ADCY2: variants seen among roughly 807,000 people sequenced by gnomAD.
ADCY2 encodes adenylate cyclase type 2.
A neutral mutation model predicts 125.2 loss-of-function variants in ADCY2; 31 were observed. The observed-to-expected ratio is 0.25, with a 90% confidence interval of 0.19 to 0.33. ADCY2 has a LOEUF of 0.33. ADCY2 is among the 10% of genes least tolerant of loss of function. The pLI, the probability that ADCY2 is intolerant of heterozygous loss-of-function variation, is 1.00. For missense variants in ADCY2, 904 were observed against 1,418.2 expected (o/e 0.64, Z 5.82); for synonymous variants, 512 against 548.4 (o/e 0.93, Z 0.93).
chr5:7,789,829 G>A (rs1460726993), intron 20 of ADCY2, 29 bp downstream of exon 20: 2 of 1,357,934 alleles, frequency 1.5e-6, no homozygotes, highest in Non-Finnish European at 2.0e-6. Context: ...GGGGCTGGGG[G>A]AGGGGGCTGG....
intron 18 of ADCY2, among the ~76,000 whole-genome samples, chr5:7,776,898 T>G (rs1743745895): frequency 1.3e-5 from 2 of 152,302 alleles, no homozygotes; most frequent in South Asian, 4.1e-4. Flanking sequence ...CCAGGGTTCT[T>G]AGTACAGAAG....
At chr5:7,485,391 C>T (rs567915446) in intron 2 of ADCY2, among the ~76,000 whole-genome samples, 2 of 151,862 alleles carry the variant, frequency 1.3e-5, no homozygotes, top group South Asian at 2.1e-4. Context: ...ATGTAAAATT[C>T]GTGGAACAAA....
intron 2 of ADCY2, among the ~76,000 whole-genome samples, chr5:7,509,252 G>A (rs1334442449): frequency 6.6e-6 from 1 of 152,186 alleles, no homozygotes; most frequent in Admixed American, 6.5e-5. Context: ...CATGCATGGT[G>A]AATGGAGAGG....
chr5:7,603,554 AC>A (rs1238225900), intron 3 of ADCY2, among the ~76,000 whole-genome samples: 3 of 151,962 alleles, frequency 2.0e-5, no homozygotes, highest in Admixed American at 2.0e-4. Flanking sequence ...TGGTGTAACC[AC>A]CTCCTTGGAC....
rs565931117 is a variant in ADCY2, at chr5:7,666,090, G to A, written c.721-24601G>A. Among the ~76,000 whole-genome samples the A allele has an allele frequency of 2.8e-3, 420 of 151,588 alleles. 3 individuals are homozygous for A. The highest frequency in any genetic ancestry group is 7.0e-3 in the Admixed American group (107 of 15,234). On this transcript the variant is annotated intron_variant, in intron 4 of 24. Coordinates refer to ENST00000338316, the MANE Select transcript of ADCY2 (RefSeq NM_020546.3). ...CCTGACCTCGTGATCCGCCCGCCTT[G>A]GCCTCCCAAAGTGCTGGGATTACAG... is the stretch of plus-strand genomic sequence containing the variant.
At chr5:7,416,430 T>G (rs1164946035) in intron 2 of ADCY2, among the ~76,000 whole-genome samples, 1 of 152,176 alleles carries the variant, frequency 6.6e-6, no homozygotes, top group Non-Finnish European at 1.5e-5. Flanking sequence ...CGCTCTCTCC[T>G]TCACTCTCTG....
Position 7,760,166 on chromosome 5 carries a change from G to A in ADCY2, c.2094+2580G>A, listed in dbSNP as rs577647050. Among the ~76,000 whole-genome samples, 13 of 152,310 alleles carry A rather than the reference G, an allele frequency of 8.5e-5. No homozygotes were observed. In the South Asian group the frequency reaches 2.3e-3, roughly 27 times the overall value. On this transcript the variant is annotated intron_variant, in intron 16 of 24. Coordinates refer to ENST00000338316, the MANE Select transcript of ADCY2 (RefSeq NM_020546.3). Reference sequence around the variant, plus strand: ...TGGACAGAGAGAGAGGCAGGCAAGGGGCATTGGCCTGAGATGCCAGAAGCA... The same window carrying A: ...TGGACAGAGAGAGAGGCAGGCAAGGAGCATTGGCCTGAGATGCCAGAAGCA...
At chr5:7,679,722 A>G (rs1740265778) in intron 4 of ADCY2, among the ~76,000 whole-genome samples, 1 of 152,226 alleles carries the variant, frequency 6.6e-6, no homozygotes, top group Admixed American at 6.5e-5. Flanking sequence ...CTAAGATTAT[A>G]AACGGAGGGA....
chr5:7,744,428 T>C (rs964475293), intron 15 of ADCY2, among the ~76,000 whole-genome samples: 3 of 152,236 alleles, frequency 2.0e-5, no homozygotes, highest in African/African-American at 7.2e-5. Flanking sequence ...CTACATCCAC[T>C]TTCAAGCTAT....
chr5:7,596,683 G>T (rs945794199), intron 3 of ADCY2, among the ~76,000 whole-genome samples: 1 of 152,068 alleles, frequency 6.6e-6, no homozygotes, highest in African/African-American at 2.4e-5. Context: ...AATATACAGC[G>T]CTGGAAACAG....
In ADCY2 at chr5:7,414,786, A is replaced by AT; in HGVS notation, c.408+22dup. On this transcript the variant is annotated intron_variant, in intron 2 of 24. Transcript: ENST00000338316. ...CTGGGACCAGGTAAGGTGTGAAAAT[A>AT]TTTTTTGTACTTCTTTTATGTCTTG... The AT allele has an allele frequency of 1.9e-6, 3 of 1,590,042 alleles. No homozygotes were observed. The highest frequency in any genetic ancestry group is 1.4e-5 in the African/African-American group (1 of 73,638).
chr5:7,400,322 C>T (rs1739216622), intron 1 of ADCY2, among the ~76,000 whole-genome samples: 1 of 152,030 alleles, frequency 6.6e-6, no homozygotes, highest in African/African-American at 2.4e-5. Flanking sequence ...GAGAATATGG[C>T]CCACCTTGTT....
intron 2 of ADCY2, among the ~76,000 whole-genome samples, chr5:7,469,919 T>G (rs1188678863): frequency 1.3e-5 from 2 of 151,808 alleles, no homozygotes; most frequent in East Asian, 1.9e-4. Context: ...TATATGTACT[T>G]TCTATAGGTT....
rs946063088 is a variant in ADCY2 at position 7,718,249 on chromosome 5, C to T, written c.1703+1012C>T. The stretch of plus-strand genomic sequence containing the variant: ...CTGCAAGCTCCACCTCCCGGGTTCA[C>T]GCCGTTCTCCTGCCTCAGCCTCCCA... On this transcript the variant is annotated intron_variant, in intron 12 of 24. Coordinates refer to ENST00000338316, the MANE Select transcript of ADCY2 (RefSeq NM_020546.3). Among the ~76,000 whole-genome samples, 46 of 148,150 alleles carry T rather than the reference C, an allele frequency of 3.1e-4. 3 individuals carry two copies. Among genetic ancestry groups the T allele is most frequent in the Admixed American group, 1.8e-3 (27 of 14,630 alleles).
rs72712278 is a variant in ADCY2, at chr5:7,787,885, C to T, written c.2470-1757C>T. 4.2e-3 allele frequency among the ~76,000 whole-genome samples: 643 copies of T among 152,252 alleles called. 3 individuals are homozygous for T. Among genetic ancestry groups the T allele is most frequent in the Non-Finnish European group, 6.7e-3 (456 of 68,018 alleles). On this transcript the variant is annotated intron_variant, in intron 19 of 24. Transcript: ENST00000338316. ...ATGGCGCATGGAAACCTTTCATGCT[C>T]ACTTGGGTTGGACTTGCTGCCTTAA...
At chr5:7,625,654 G>A (rs1738094357) in intron 3 of ADCY2, among the ~76,000 whole-genome samples, 1 of 152,178 alleles carries the variant, frequency 6.6e-6, no homozygotes, top group Non-Finnish European at 1.5e-5. Context: ...CAGTTTTGGT[G>A]TGAGGGCAGT....
At chr5:7,437,257 G>C (rs570793737) in intron 2 of ADCY2, among the ~76,000 whole-genome samples, 1 of 152,300 alleles carries the variant, frequency 6.6e-6, no homozygotes, top group Admixed American at 6.5e-5. Context: ...AGCTACTACA[G>C]AGCTATGTAA....
At chr5:7,401,480 T>C (rs927268518) in intron 1 of ADCY2, among the ~76,000 whole-genome samples, 1 of 152,234 alleles carries the variant, frequency 6.6e-6, no homozygotes, top group Non-Finnish European at 1.5e-5. Context: ...TGAAATTTCT[T>C]ACTGATATGA....
intron 2 of ADCY2, among the ~76,000 whole-genome samples, chr5:7,423,705 C>T (rs1342102147): frequency 6.6e-6 from 1 of 152,214 alleles, no homozygotes; most frequent in African/African-American, 2.4e-5. Flanking sequence ...AATACACTGG[C>T]TTGGCTGTCC....
Sources: gnomAD v4.1 joint callset for allele counts (sites outside exome capture counted in the v4.1 genomes callset) on GRCh38, gnomAD v4.1.1 for gene constraint, MANE v1.5 for transcripts, NCBI Gene and HGNC (gene_info 2026-07-23, HGNC 2026-07-21) for gene names.